Variants in ESRRG observed in about 807,000 individuals in gnomAD.
The protein encoded by ESRRG is estrogen related receptor gamma.
ESRRG carries 13 observed loss-of-function variants against 44.0 expected under a neutral mutation model. That is an observed-to-expected ratio of 0.30 (90% confidence interval 0.19 to 0.47). The LOEUF is 0.47. ESRRG is among the 20% of genes least tolerant of loss of function. ESRRG has a pLI of 1.00. For synonymous variants in ESRRG, 215 were observed against 214.6 expected (o/e 1.00, Z -0.02); for missense variants, 395 against 580.6 (o/e 0.68, Z 3.29).
chr1:216,817,130 A>G (rs542567821), intron 2 of ESRRG, among the ~76,000 whole-genome samples: 1 of 152,212 alleles, frequency 6.6e-6, no homozygotes, highest in East Asian at 1.9e-4. Context: ...ATATTTTGGC[A>G]AAACTTACCC....
intron 2 of ESRRG, among the ~76,000 whole-genome samples, chr1:216,810,732 C>T (rs1363359378): frequency 6.8e-6 from 1 of 146,990 alleles, no homozygotes; most frequent in Non-Finnish European, 1.5e-5. Context: ...ATGATATACA[C>T]ATGTATATAT....
chr1:216,925,565 T>A (rs1040290195), intron 2 of ESRRG, among the ~76,000 whole-genome samples: 3 of 152,142 alleles, frequency 2.0e-5, no homozygotes, highest in African/African-American at 4.8e-5. Context: ...AACATGCCCC[T>A]GAGGTTTTTC....
In ESRRG at chr1:216,927,132, T is replaced by G. The variant is rs563035521; in HGVS notation, c.-14+12450A>C. Among the ~76,000 whole-genome samples, 3 of 152,306 alleles carry G rather than the reference T, an allele frequency of 2.0e-5. No homozygotes were observed. In the East Asian group the frequency reaches 5.8e-4, roughly 29 times the overall value. Reference sequence around the variant, plus strand: ...AGAGTTCTGCCGTCTGATAACTGAGTAAAATCCAATGCTGTTCCTGAAATT... The same window carrying G: ...AGAGTTCTGCCGTCTGATAACTGAGGAAAATCCAATGCTGTTCCTGAAATT... On this transcript the variant is annotated intron_variant, in intron 2 of 7. Coordinates refer to the ESRRG transcript ENST00000359162.
intron 2 of ESRRG, among the ~76,000 whole-genome samples, chr1:216,901,513 G>A (rs983419749): frequency 2.0e-5 from 3 of 151,690 alleles, no homozygotes; most frequent in African/African-American, 2.4e-5. Flanking sequence ...GACTACCAGT[G>A]TGTGCCACCA....
intron 3 of ESRRG, among the ~76,000 whole-genome samples, chr1:216,642,432 A>T (rs1277704944): frequency 1.3e-5 from 2 of 152,202 alleles, no homozygotes; most frequent in Non-Finnish European, 1.5e-5. Flanking sequence ...CTAGTAATGC[A>T]GTATCCGCAC....
intron 1 of ESRRG, among the ~76,000 whole-genome samples, chr1:217,039,136 C>A (rs115047855): frequency 2.6e-5 from 4 of 152,238 alleles, no homozygotes; most frequent in South Asian, 4.1e-4. Context: ...GTTGATATCA[C>A]CATCAGCATT....
intron 1 of ESRRG, among the ~76,000 whole-genome samples, chr1:216,680,844 T>C (rs553072026): frequency 6.6e-6 from 1 of 152,326 alleles, no homozygotes; most frequent in South Asian, 2.1e-4. Context: ...TATTCTAGAC[T>C]TCACTTCAAT....
rs1249065114 is a variant in ESRRG, at chr1:216,504,126, T to A, written c.*2813A>T. The A allele has an allele frequency of 6.6e-6, 1 of 152,530 alleles. No homozygotes were observed. The highest frequency in any genetic ancestry group is 2.4e-5 in the African/African-American group (1 of 41,436). The allele number at this position is 152,530 out of a possible 1,614,324, so 9.4% of individuals were successfully genotyped here. On this transcript the variant is annotated 3_prime_UTR_variant, in exon 7 of 7. Coordinates refer to ENST00000408911, the MANE Select transcript of ESRRG (RefSeq NM_001438.4). ...CTTTGAACATATCTCCATCTCAGGT[T>A]TTCAGTTGGTTGGCTCTTACTTCTG... is the stretch of plus-strand genomic sequence containing the variant.
chr1:216,863,115 A>AT (rs2096079923), intron 2 of ESRRG: 1 of 152,184 alleles, frequency 6.6e-6, no homozygotes, highest in African/African-American at 2.4e-5. Context: ...GAGGGAGTGT[A>AT]AAAGCATAGA....
intron 2 of ESRRG, among the ~76,000 whole-genome samples, chr1:216,675,680 C>T (rs1247132540): frequency 6.6e-6 from 1 of 152,098 alleles, no homozygotes; most frequent in Non-Finnish European, 1.5e-5. Context: ...GATTGCTAGG[C>T]CCACCCTCAG....
chr1:217,011,335 T>A (rs2078579048), intron 1 of ESRRG, among the ~76,000 whole-genome samples: 2 of 152,194 alleles, frequency 1.3e-5, no homozygotes, highest in South Asian at 4.1e-4. Context: ...TGACATTCAA[T>A]AAACAGGTTT....
At chr1:216,994,388 C>A (rs1305206957) in intron 1 of ESRRG, among the ~76,000 whole-genome samples, 3 of 152,150 alleles carry the variant, frequency 2.0e-5, no homozygotes, top group Non-Finnish European at 4.4e-5. Context: ...TGATGGGGCA[C>A]CCGGAAGGGG....
chr1:216,706,019 G>A (rs1442703645), intron 1 of ESRRG, among the ~76,000 whole-genome samples: 2 of 152,096 alleles, frequency 1.3e-5, no homozygotes, highest in African/African-American at 2.4e-5. Context: ...CAATACTAGA[G>A]AAATCATAAA....
chr1:217,055,317 G>A (rs1010480454), intron 1 of ESRRG, among the ~76,000 whole-genome samples: 2 of 152,100 alleles, frequency 1.3e-5, no homozygotes, highest in African/African-American at 4.8e-5. Flanking sequence ...AAGATGTGGG[G>A]TTTCATTAGG....
At chr1:216,569,610 A>G (rs1444408580) in intron 3 of ESRRG, among the ~76,000 whole-genome samples, 2 of 152,252 alleles carry the variant, frequency 1.3e-5, no homozygotes, top group East Asian at 1.9e-4. Flanking sequence ...ACAGGACCAT[A>G]TAAGTCCCTA....
intron 1 of ESRRG, among the ~76,000 whole-genome samples, chr1:216,976,521 C>A (rs1357021778): frequency 6.6e-6 from 1 of 152,062 alleles, no homozygotes; most frequent in Non-Finnish European, 1.5e-5. Flanking sequence ...CCTTCATAAC[C>A]CAGTGTCTCC....
chr1:216,788,528 T>C (rs1433827804), intron 2 of ESRRG, among the ~76,000 whole-genome samples: 1 of 152,148 alleles, frequency 6.6e-6, no homozygotes, highest in Non-Finnish European at 1.5e-5. Flanking sequence ...CAATTGACTA[T>C]GTACTGGTCA....
chr1:217,109,823 C>T (rs2092640928), intron 1 of ESRRG, among the ~76,000 whole-genome samples: 2 of 152,096 alleles, frequency 1.3e-5, no homozygotes, highest in South Asian at 4.1e-4. Context: ...GCAAAAAACC[C>T]TAAGAGGCTA....
In ESRRG at chr1:216,506,663, A is replaced by C. The variant is rs1252330254; in HGVS notation, c.*276T>G. On this transcript the variant is annotated 3_prime_UTR_variant, in exon 7 of 7. Coordinates refer to ENST00000408911, the MANE Select transcript of ESRRG (RefSeq NM_001438.4). ...TGGGAACTAGGAATGAAAGAAGCAA[A>C]GAAATAAGGGAGGTGAAAGAAGAAA... The C allele has an allele frequency of 1.3e-5, 7 of 543,738 alleles. No individual in the cohort carries two copies. Among genetic ancestry groups the C allele is most frequent in the Non-Finnish European group, 2.4e-5 (7 of 288,994 alleles). 33.7% of individuals were successfully genotyped at this position (543,738 alleles called of 1,614,324 possible).
Sources: allele counts gnomAD v4.1 joint callset (sites outside exome capture counted in the v4.1 genomes callset), GRCh38; gene constraint gnomAD v4.1.1; transcripts MANE v1.5; gene names NCBI Gene and HGNC (gene_info 2026-07-23, HGNC 2026-07-21).